Variants in GPR149 observed in about 807,000 individuals in gnomAD.
GPR149 encodes probable G protein-coupled receptor 149.
Under a neutral mutation model 50.2 loss-of-function variants are expected in GPR149, and 50 were observed. The ratio of observed to expected loss-of-function variants is 1.00; its 90% CI spans 0.79 to 1.26. The LOEUF (loss-of-function observed/expected upper bound fraction) is 1.26. GPR149 is among the 50% of genes most tolerant of loss of function. The pLI, the probability that GPR149 is intolerant of heterozygous loss-of-function variation, is 0.00. For synonymous variants in GPR149, 405 were observed against 358.2 expected (o/e 1.13, Z -1.48); for missense variants, 983 against 895.4 (o/e 1.10, Z -1.25).
chr3:154,379,923 G>A (rs1364826592), intron 3 of GPR149, among the ~76,000 whole-genome samples: 2 of 151,728 alleles, frequency 1.3e-5, no homozygotes, highest in Non-Finnish European at 2.9e-5. Flanking sequence ...ATAAATTTGG[G>A]GATATATATG....
chr3:154,428,325 A>T (rs1712368026), intron 1 of GPR149, among the ~76,000 whole-genome samples: 1 of 152,144 alleles, frequency 6.6e-6, no homozygotes, highest in Non-Finnish European at 1.5e-5. Context: ...ATACTCTCTG[A>T]TTTTGCTGTG....
chr3:154,400,936 A>G (rs1159980903), intron 3 of GPR149, among the ~76,000 whole-genome samples: 1 of 152,236 alleles, frequency 6.6e-6, no homozygotes, highest in African/African-American at 2.4e-5. Flanking sequence ...TTGTTCCAAA[A>G]TGAATGGACA....
intron 3 of GPR149, chr3:154,353,797 C>G (rs894458931): frequency 7.1e-6 from 5 of 700,964 alleles, no homozygotes; most frequent in Middle Eastern, 3.3e-4. Flanking sequence ...TGTCCATGCT[C>G]GAGCTATTAA....
intron 3 of GPR149, among the ~76,000 whole-genome samples, chr3:154,362,824 C>G (rs1411154555): frequency 6.6e-6 from 1 of 151,892 alleles, no homozygotes; most frequent in East Asian, 1.9e-4. Context: ...AGTTGTTTTT[C>G]CCAAACAAAC....
rs3038651 is a variant in GPR149, at chr3:154,413,942, G to GTATATATATA, written c.1623+7087_1623+7096dup. On this transcript the variant is annotated intron_variant, in intron 3 of 3. Transcript: ENST00000389740. ...TCAACGAGTTGATAAAGAAATTGTA[G>GTATATATATA]TATATATATATATATATACATGGAA... Among the ~76,000 whole-genome samples, 1,187 of 147,956 alleles carry GTATATATATA rather than the reference G, an allele frequency of 8.0e-3. 3 individuals carry two copies. Among genetic ancestry groups the GTATATATATA allele is most frequent in the Non-Finnish European group, 0.013 (849 of 66,722 alleles).
chr3:154,385,064 A>G (rs1272530702), intron 3 of GPR149, among the ~76,000 whole-genome samples: 1 of 152,208 alleles, frequency 6.6e-6, no homozygotes, highest in Non-Finnish European at 1.5e-5. Context: ...CTCAAAGGAT[A>G]TGAGTGTGTT....
intron 3 of GPR149, among the ~76,000 whole-genome samples, chr3:154,382,480 T>A (rs750140031): frequency 3.5e-4 from 53 of 152,194 alleles, no homozygotes; most frequent in Non-Finnish European, 8.8e-5. Context: ...GACAAGTCAA[T>A]TTGCAGAAAG....
intron 3 of GPR149, among the ~76,000 whole-genome samples, chr3:154,361,085 T>C (rs568909467): frequency 6.6e-6 from 1 of 152,260 alleles, no homozygotes; most frequent in African/African-American, 2.4e-5. Context: ...GAAGACAAAG[T>C]CTCCAAAATC....
At chr3:154,342,873 T>C (rs1713829734) in intron 3 of GPR149, among the ~76,000 whole-genome samples, 1 of 152,256 alleles carries the variant, frequency 6.6e-6, no homozygotes, top group African/African-American at 2.4e-5. Context: ...AAACTACGTA[T>C]ACTTACCATT....
intron 3 of GPR149, among the ~76,000 whole-genome samples, chr3:154,405,883 A>T (rs1236896703): frequency 2.6e-5 from 4 of 151,880 alleles, no homozygotes; most frequent in African/African-American, 4.8e-5. Context: ...AACTATTATT[A>T]AAAAAATTCA....
chr3:154,366,435 C>T (rs1234293317), intron 3 of GPR149, among the ~76,000 whole-genome samples: 1 of 152,214 alleles, frequency 6.6e-6, no homozygotes, highest in East Asian at 1.9e-4. Context: ...GGGAAATTTG[C>T]ATCTGTAGAC....
intron 3 of GPR149, chr3:154,352,891 C>G: frequency 1.1e-6 from 1 of 892,856 alleles, no homozygotes; most frequent in Non-Finnish European, 1.9e-6. Context: ...CCCTGTCCAG[C>G]TCTACCTGTG....
intron 3 of GPR149, among the ~76,000 whole-genome samples, chr3:154,375,673 A>G (rs1559978735): frequency 6.6e-6 from 1 of 152,224 alleles, no homozygotes. Flanking sequence ...TTATATGTCA[A>G]CTTGACTGGA....
intron 3 of GPR149, among the ~76,000 whole-genome samples, chr3:154,414,011 C>A (rs1285621176): frequency 4.0e-5 from 6 of 151,588 alleles, no homozygotes; most frequent in African/African-American, 1.2e-4. Context: ...GCATTCACAG[C>A]AACCTGCATG....
At chr3:154,380,255 G>A (rs1391572582) in intron 3 of GPR149, among the ~76,000 whole-genome samples, 1 of 151,362 alleles carries the variant, frequency 6.6e-6, no homozygotes, top group East Asian at 1.9e-4. Flanking sequence ...GTGTGCAGTG[G>A]ACTGGAACTA....
chr3:154,384,699 G>A (rs1050270071), intron 3 of GPR149, among the ~76,000 whole-genome samples: 8 of 152,200 alleles, frequency 5.3e-5, no homozygotes, highest in Non-Finnish European at 1.0e-4. Context: ...CAGTCCCAGA[G>A]CCAGAGCTAG....
chr3:154,351,067 C>T (rs1576900472), intron 3 of GPR149, among the ~76,000 whole-genome samples: 1 of 151,878 alleles, frequency 6.6e-6, no homozygotes, highest in Non-Finnish European at 1.5e-5. Context: ...TAGGAACCCA[C>T]AGATACAGAG....
intron 3 of GPR149, among the ~76,000 whole-genome samples, chr3:154,359,509 A>G (rs1714328587): frequency 6.6e-6 from 1 of 152,122 alleles, no homozygotes; most frequent in Non-Finnish European, 1.5e-5. Context: ...GGTATTGTTG[A>G]CCAACAGAGC....
chr3:154,429,723 C>G lies in GPR149; in HGVS notation c.-108G>C. 5.3e-6 allele frequency: 5 copies of G among 945,536 alleles called. No homozygotes were observed. Among genetic ancestry groups the G allele is most frequent in the Non-Finnish European group, 8.1e-6 (5 of 618,644 alleles). The allele number at this position is 945,536 out of a possible 1,614,324, so 58.6% of individuals were successfully genotyped here. On this transcript the variant is annotated 5_prime_UTR_variant, in exon 1 of 4. Transcript: ENST00000389740. ...TTCATTCCTCCTACCAAGTTCCCCTCTAGATGTTCTCCTTGTCAGTCCTGC... is the reference window on the plus strand; with the variant it reads ...TTCATTCCTCCTACCAAGTTCCCCTGTAGATGTTCTCCTTGTCAGTCCTGC...
Sources: allele counts gnomAD v4.1 joint callset (sites outside exome capture counted in the v4.1 genomes callset), GRCh38; gene constraint gnomAD v4.1.1; transcripts MANE v1.5; gene names NCBI Gene and HGNC (gene_info 2026-07-23, HGNC 2026-07-21).